The following NFIA variants were observed in gnomAD, a reference collection of about 807,000 sequenced individuals.
The protein encoded by NFIA is nuclear factor 1 A-type.
NFIA carries 8 observed loss-of-function variants against 62.8 expected under a neutral mutation model. That is an observed-to-expected ratio of 0.13 (90% CI 0.07 to 0.23). The LOEUF (loss-of-function observed/expected upper bound fraction) is 0.23. Among genes scored for constraint, NFIA ranks in the 10% least tolerant of loss-of-function variants. The probability of loss-of-function intolerance (pLI) is 1.00; values close to 1 mark genes in which losing one functional copy is unlikely to be tolerated. For missense variants in NFIA, 410 were observed against 642.1 expected, an observed-to-expected ratio of 0.64 and a Z score of 3.91; for synonymous variants, 235 against 238.1, an observed-to-expected ratio of 0.99 and a Z score of 0.12.
At chr1:61,235,506 A>AT (rs59459166) in intron 2 of NFIA, among the ~76,000 whole-genome samples, 14,039 of 139,270 alleles carry the variant, frequency 0.1, 1,010 homozygotes, top group African/African-American at 0.22. Flanking sequence ...AAATAAATAA[A>AT]AATAAAAAAT....
intron 10 of NFIA, among the ~76,000 whole-genome samples, chr1:61,442,620 G>T (rs957648534): frequency 7.3e-5 from 11 of 150,626 alleles, no homozygotes; most frequent in African/African-American, 2.7e-4. Context: ...TCCTGTAGCA[G>T]CCCTTATTGG....
At chr1:61,420,108 C>T (rs1465594861) in intron 9 of NFIA, among the ~76,000 whole-genome samples, 5 of 152,074 alleles carry the variant, frequency 3.3e-5, no homozygotes, top group African/African-American at 4.8e-5. Context: ...GTAAGTAAGG[C>T]CTGTAGATTT....
At chr1:61,379,893 G>T (rs1252412453) in intron 6 of NFIA, among the ~76,000 whole-genome samples, 2 of 152,112 alleles carry the variant, frequency 1.3e-5, no homozygotes, top group African/African-American at 4.8e-5. Context: ...AGGAATCTTT[G>T]TGAATAGTGC....
chr1:61,195,820 A>G (rs1219387255), intron 2 of NFIA, among the ~76,000 whole-genome samples: 4 of 152,190 alleles, frequency 2.6e-5, no homozygotes, highest in Non-Finnish European at 5.9e-5. Flanking sequence ...CTAGAAATTC[A>G]ATTTCACTTT....
chr1:61,208,388 G>C (rs974766654), intron 2 of NFIA, among the ~76,000 whole-genome samples: 3 of 152,188 alleles, frequency 2.0e-5, no homozygotes, highest in Non-Finnish European at 4.4e-5. Context: ...TGTTTTAAGA[G>C]CATGAAGAGG....
intron 2 of NFIA, among the ~76,000 whole-genome samples, chr1:61,197,492 C>A (rs1652112186): frequency 6.6e-6 from 1 of 151,532 alleles, no homozygotes; most frequent in African/African-American, 2.4e-5. Context: ...TTACCTCTGC[C>A]TCCCAAAGTG....
chr1:61,231,990 C>T (rs186546942), intron 2 of NFIA, among the ~76,000 whole-genome samples: 212 of 152,128 alleles, frequency 1.4e-3, no homozygotes, highest in African/African-American at 5.0e-3. Flanking sequence ...CTATCATTAC[C>T]CAGCTGTTAG....
chr1:61,419,207 C>T (rs1031415579), intron 9 of NFIA, among the ~76,000 whole-genome samples: 10 of 152,102 alleles, frequency 6.6e-5, no homozygotes, highest in Non-Finnish European at 1.3e-4. Flanking sequence ...CTTTGGGAGG[C>T]CATCGCAGGA....
At position 61,308,087 on chromosome 1, in the gene NFIA, T is replaced by TG. The variant is rs574324273; in HGVS notation, c.626-24424dup. 9.8e-5 allele frequency among the ~76,000 whole-genome samples: 15 copies of TG among 152,314 alleles called. No homozygotes were observed. The East Asian group carries it at 2.9e-3, about 29-fold the overall frequency. ...TATCCCCTTCTGTAGCTGAACTGGA[T>TG]GAAGGACAAGTCTAGCAGAATAACC... On this transcript the variant is annotated intron_variant, in intron 3 of 10. Transcript: ENST00000403491.
rs1451734608 is a variant in NFIA at position 61,460,473 on chromosome 1, ACT to A, written c.*5156_*5157del. Reference sequence around the variant, plus strand: ...AAATGTGACAACTTGGGCTCAATTCACTCTGCTTTCCAACAGTGTAAATGCAT... The same window carrying A: ...AAATGTGACAACTTGGGCTCAATTCACTGCTTTCCAACAGTGTAAATGCAT... On this transcript the variant is annotated 3_prime_UTR_variant, in exon 11 of 11. Coordinates refer to ENST00000403491, the MANE Select transcript of NFIA (RefSeq NM_001134673.4). The A allele has an allele frequency of 6.6e-6, 1 of 152,126 alleles. No individual in the cohort carries two copies. The highest frequency in any genetic ancestry group is 2.4e-5 in the African/African-American group (1 of 41,414). The allele number at this position is 152,126 out of a possible 1,614,324, so 9.4% of individuals were successfully genotyped here.
chr1:61,397,347 G>A (rs1218789857), intron 7 of NFIA, among the ~76,000 whole-genome samples: 2 of 152,022 alleles, frequency 1.3e-5, no homozygotes, highest in Admixed American at 1.3e-4. Flanking sequence ...TATTTTCAAG[G>A]CCCTCATGTC....
At chr1:61,138,010 T>G (rs1276630706) in intron 2 of NFIA, among the ~76,000 whole-genome samples, 1 of 151,950 alleles carries the variant, frequency 6.6e-6, no homozygotes, top group African/African-American at 2.4e-5. Flanking sequence ...AGAAAAGTGA[T>G]TATGGTAACT....
chr1:61,108,493 T>C (rs1425380318), intron 2 of NFIA, among the ~76,000 whole-genome samples: 1 of 151,740 alleles, frequency 6.6e-6, no homozygotes, highest in Non-Finnish European at 1.5e-5. Context: ...AAGTTCTTTT[T>C]TGTTTACTAT....
In NFIA at chr1:61,406,543, G is replaced by GGCCTCCCCC; in HGVS notation, c.1255-19_1255-18insGCCTCCCCC. On this transcript the variant is annotated intron_variant, in intron 8 of 10. Transcript: ENST00000403491. ...TCTTTTTCTTGTACGTGTGTTTTCT[G>GGCCTCCCCC]CCCCCCCCCCCCCCACAGCCCAATG... The GGCCTCCCCC allele has an allele frequency of 1.1e-6, 1 of 876,654 alleles. No homozygotes were observed. Among genetic ancestry groups the GGCCTCCCCC allele is most frequent in the Non-Finnish European group, 1.5e-6 (1 of 653,744 alleles). The allele number at this position is 876,654 out of a possible 1,614,324, so 54.3% of individuals were successfully genotyped here.
intron 2 of NFIA, among the ~76,000 whole-genome samples, chr1:61,187,919 G>T (rs1241400586): frequency 1.3e-5 from 2 of 152,162 alleles, no homozygotes; most frequent in Non-Finnish European, 2.9e-5. Context: ...CAGCCCTGTA[G>T]TAAGGAGGTT....
intron 7 of NFIA, among the ~76,000 whole-genome samples, chr1:61,401,522 G>A (rs1415699131): frequency 6.6e-6 from 1 of 152,148 alleles, no homozygotes; most frequent in African/African-American, 2.4e-5. Flanking sequence ...TTTCTTTAAA[G>A]ATCAGCTCTG....
Position 61,458,134 on chromosome 1 carries a change from C to A in NFIA, c.*2814C>A, listed in dbSNP as rs1345148507. On this transcript the variant is annotated 3_prime_UTR_variant, in exon 11 of 11. Transcript: ENST00000403491. ...TCCTATAGCCAGCCAGCATACTTTG[C>A]CTTCCCCTATAGCACTTAGCTGGGC... 6.6e-6 allele frequency: 1 copy of A among 151,632 alleles called. No individual in the cohort carries two copies. Among genetic ancestry groups the A allele is most frequent in the Non-Finnish European group, 1.5e-5 (1 of 67,978 alleles). 9.4% of individuals were successfully genotyped at this position (151,632 alleles called of 1,614,324 possible).
intron 2 of NFIA, among the ~76,000 whole-genome samples, chr1:61,203,402 C>T (rs1570372903): frequency 1.3e-5 from 2 of 152,262 alleles, no homozygotes; most frequent in South Asian, 2.1e-4. Flanking sequence ...TGGCTCACCA[C>T]CCTCCCTTAT....
chr1:61,182,388 GTTAGA>G (rs1650815247), intron 2 of NFIA, among the ~76,000 whole-genome samples: 1 of 152,188 alleles, frequency 6.6e-6, no homozygotes, highest in Non-Finnish European at 1.5e-5. Context: ...TTGGTTAAGA[GTTAGA>G]TTAGACAAAA....
Sources: allele counts gnomAD v4.1 joint callset (sites outside exome capture counted in the v4.1 genomes callset), GRCh38; gene constraint gnomAD v4.1.1; transcripts MANE v1.5; gene names NCBI Gene and HGNC (gene_info 2026-07-23, HGNC 2026-07-21).